Variants in SIPA1L2 observed in about 807,000 individuals in gnomAD.
SIPA1L2 encodes signal induced proliferation associated 1 like 2.
A neutral mutation model predicts 163.9 loss-of-function variants in SIPA1L2; 56 were observed. The ratio of observed to expected loss-of-function variants is 0.34; its 90% CI spans 0.28 to 0.43. The LOEUF is 0.43. Among genes scored for constraint, SIPA1L2 ranks in the 20% least tolerant of loss-of-function variants. The pLI is 1.00. For synonymous variants in SIPA1L2, 877 were observed against 865.7 expected, an observed-to-expected ratio of 1.01 and a Z score of -0.23; for missense variants, 1,974 against 2,193.5, an observed-to-expected ratio of 0.90 and a Z score of 2.00.
At chr1:232,461,594 C>G (rs1356468433) in intron 9 of SIPA1L2, among the ~76,000 whole-genome samples, 1 of 152,116 alleles carries the variant, frequency 6.6e-6, no homozygotes, top group Non-Finnish European at 1.5e-5. Context: ...AATGGAAAAC[C>G]TGTAAAGACT....
intron 2 of SIPA1L2, among the ~76,000 whole-genome samples, chr1:232,541,236 A>G (rs1657642516): frequency 7.2e-6 from 1 of 138,816 alleles, no homozygotes; most frequent in Non-Finnish European, 1.5e-5. Flanking sequence ...ATCACATCAC[A>G]TAACATAACA....
In SIPA1L2 at chr1:232,627,981, G is replaced by C. The variant is rs573331662; in HGVS notation, c.-319+1888C>G. Among the ~76,000 whole-genome samples, 7 of 152,252 alleles carry C rather than the reference G, an allele frequency of 4.6e-5. No individual in the cohort carries two copies. In the South Asian group the frequency reaches 1.4e-3, roughly 32 times the overall value. On this transcript the variant is annotated intron_variant, in intron 1 of 22. Transcript: ENST00000674635. Reference sequence around the variant, plus strand: ...CTCTAATTTAGAACAAATTCAGTATGTCTTATTTTAAGCTGGGCAAGGCAC... The same window carrying C: ...CTCTAATTTAGAACAAATTCAGTATCTCTTATTTTAAGCTGGGCAAGGCAC...
At chr1:232,424,717 A>G (rs1661784054) in intron 18 of SIPA1L2, among the ~76,000 whole-genome samples, 1 of 152,210 alleles carries the variant, frequency 6.6e-6, no homozygotes, top group Non-Finnish European at 1.5e-5. Flanking sequence ...GTTCATTTCC[A>G]ATTATGTTAA....
intron 1 of SIPA1L2, among the ~76,000 whole-genome samples, chr1:232,610,651 G>A (rs186542933): frequency 6.6e-6 from 1 of 152,156 alleles, no homozygotes; most frequent in African/African-American, 2.4e-5. Context: ...CAGCAATGAC[G>A]AACTCAGGCA....
At chr1:232,501,125 T>G (rs1351040551) in intron 3 of SIPA1L2, among the ~76,000 whole-genome samples, 2 of 135,470 alleles carry the variant, frequency 1.5e-5, no homozygotes, top group Non-Finnish European at 3.1e-5. Flanking sequence ...TGGCGCAATC[T>G]TGGCTCACTG....
At chr1:232,437,826 G>A (rs915311348) in intron 15 of SIPA1L2, among the ~76,000 whole-genome samples, 1 of 152,164 alleles carries the variant, frequency 6.6e-6, no homozygotes, top group African/African-American at 2.4e-5. Context: ...TCTACCCGGG[G>A]ACAGACGAGC....
chr1:232,450,303 A>C (rs1178550611), intron 10 of SIPA1L2, among the ~76,000 whole-genome samples: 1 of 152,208 alleles, frequency 6.6e-6, no homozygotes, highest in South Asian at 2.1e-4. Context: ...AGGCTCTATA[A>C]GTTTTGTTCA....
At chr1:232,476,515 C>A (rs16857343) in intron 7 of SIPA1L2, among the ~76,000 whole-genome samples, 1 of 152,126 alleles carries the variant, frequency 6.6e-6, no homozygotes, top group African/African-American at 2.4e-5. Flanking sequence ...TGACATCCCA[C>A]GATGGCTTAA....
At chr1:232,546,166 A>G (rs1358783231) in intron 2 of SIPA1L2, among the ~76,000 whole-genome samples, 1 of 152,216 alleles carries the variant, frequency 6.6e-6, no homozygotes, top group Non-Finnish European at 1.5e-5. Context: ...AAGACAAGAA[A>G]AGTGCACTCT....
At chr1:232,423,298 T>C (rs961907512) in intron 18 of SIPA1L2, among the ~76,000 whole-genome samples, 2 of 152,202 alleles carry the variant, frequency 1.3e-5, no homozygotes, top group Non-Finnish European at 2.9e-5. Flanking sequence ...TATCTGGACA[T>C]GGCCCCATCG....
chr1:232,514,788 G>A lies in SIPA1L2; in HGVS notation c.552C>T (p.Thr184=), dbSNP rs527355731. 156 of 1,614,170 alleles carry A rather than the reference G, an allele frequency of 9.7e-5. 2 individuals are homozygous for A. The South Asian group carries it at 1.6e-3, about 16-fold the overall frequency. Residue 184 remains threonine, a synonymous_variant, in exon 3 of 23, where the codon ACC becomes ACT. Transcript: ENST00000674635. The part of the protein sequence containing the change: ...VLDQNAVNPN[T]GAALHREYGS... ...CATACTCCCTGTGCAGGGCAGCCCC[G>A]GTGTTGGGGTTGACTGCATTTTGGT... is the stretch of plus-strand genomic sequence containing the variant.
chr1:232,487,948 A>G (rs1010331297), intron 5 of SIPA1L2, among the ~76,000 whole-genome samples: 8 of 148,864 alleles, frequency 5.4e-5, no homozygotes, highest in African/African-American at 1.2e-4. Context: ...ACACACACAC[A>G]CACACACGCA....
chr1:232,416,001 C>G (rs1191195070), intron 18 of SIPA1L2: 193 of 220,082 alleles, frequency 8.8e-4, no homozygotes, highest in Non-Finnish European at 1.1e-3. Flanking sequence ...TCAGTCAGAA[C>G]ACGGGCACCA....
chr1:232,618,794 G>A (rs1389752269), intron 1 of SIPA1L2, among the ~76,000 whole-genome samples: 5 of 152,092 alleles, frequency 3.3e-5, no homozygotes, highest in African/African-American at 1.2e-4. Context: ...ATAATACTAT[G>A]TGTATATTCT....
chr1:232,481,325 G>A (rs1180493020), intron 6 of SIPA1L2, among the ~76,000 whole-genome samples: 1 of 152,100 alleles, frequency 6.6e-6, no homozygotes, highest in South Asian at 2.1e-4. Context: ...AAAACCAAAG[G>A]CTGGATGATG....
At chr1:232,530,803 T>C (rs893143555) in intron 2 of SIPA1L2, among the ~76,000 whole-genome samples, 28 of 72,680 alleles carry the variant, frequency 3.9e-4, no homozygotes, top group Middle Eastern at 6.8e-3. Flanking sequence ...ATAATTCTAA[T>C]AGAGGAAAAC....
chr1:232,515,083 T>C lies in SIPA1L2; in HGVS notation c.257A>G (p.Lys86Arg), dbSNP rs1558237578. The stretch of plus-strand genomic sequence containing the variant: ...TGTTAGCTCCTTGGAACAGTCCTTT[T>C]TAGGAGGCCATTCAGACACCCTTGC... ...VRARVSEWPPKKDCSKELTCK... is the reference protein window; with the variant it reads ...VRARVSEWPPRKDCSKELTCK... Residue 86 changes from lysine (K) to arginine (R), a missense_variant, in exon 3 of 23, where the codon AAA becomes AGA. Lys to Arg is a conservative substitution (Grantham distance 26). This residue lies in a region of SIPA1L2 where 607 missense variants were observed against 624.0 expected (regional missense o/e 0.97). Transcript: ENST00000674635. 6.2e-7 allele frequency: 1 copy of C among 1,614,024 alleles called. No homozygotes were observed.
intron 10 of SIPA1L2, among the ~76,000 whole-genome samples, chr1:232,446,255 G>A (rs559965696): frequency 1.3e-5 from 2 of 152,242 alleles, no homozygotes; most frequent in South Asian, 2.1e-4. Flanking sequence ...TACTATCTCC[G>A]GTAATTAGAA....
At chr1:232,604,869 C>T (rs61823263) in intron 1 of SIPA1L2, among the ~76,000 whole-genome samples, 12 of 152,086 alleles carry the variant, frequency 7.9e-5, no homozygotes, top group Admixed American at 6.5e-4. Flanking sequence ...CTTCATCTTC[C>T]GCCATGATTA....
Sources: gnomAD v4.1 joint callset for allele counts (sites outside exome capture counted in the v4.1 genomes callset) on GRCh38, gnomAD v4.1.1 for gene constraint, gnomAD v4.1.1 regional missense constraint, MANE v1.5 for transcripts, NCBI Gene and HGNC (gene_info 2026-07-23, HGNC 2026-07-21) for gene names.